TMEM178B: variants seen among roughly 807,000 people sequenced by gnomAD.
TMEM178B encodes transmembrane protein 178B.
Under a neutral mutation model 31.0 loss-of-function variants are expected in TMEM178B, and 5 were observed. The observed-to-expected ratio is 0.16, with a 90% CI of 0.08 to 0.34. The LOEUF (loss-of-function observed/expected upper bound fraction) is 0.34, where lower values mean the gene tolerates loss of function less well. Among genes scored for constraint, TMEM178B ranks in the 10% least tolerant of loss-of-function variants. The pLI, the probability that TMEM178B is intolerant of heterozygous loss-of-function variation, is 1.00. For synonymous variants in TMEM178B, 164 were observed against 164.0 expected (o/e 1.00, Z 0.00); for missense variants, 275 against 400.3 (o/e 0.69, Z 2.67).
At position 141,132,604 on chromosome 7, in the gene TMEM178B, C is replaced by T. The variant is rs548000924; in HGVS notation, c.382+57912C>T. ...GGGAACTGGTCTGCCCAGCCTGCCA[C>T]TGCCACTGCTGGTGCCCACATGTGC... On this transcript the variant is annotated intron_variant, in intron 1 of 3. Coordinates refer to ENST00000565468, the MANE Select transcript of TMEM178B (RefSeq NM_001195278.2). 1.1e-4 allele frequency among the ~76,000 whole-genome samples: 16 copies of T among 152,284 alleles called. 1 individual carries two copies. The Middle Eastern group carries it at 0.01, about 97-fold the overall frequency.
chr7:141,205,683 T>TG (rs1222261813), intron 1 of TMEM178B, among the ~76,000 whole-genome samples: 1 of 152,244 alleles, frequency 6.6e-6, no homozygotes, highest in African/African-American at 2.4e-5. Context: ...TAATTTTAGA[T>TG]GGGCTGAACT....
intron 2 of TMEM178B, among the ~76,000 whole-genome samples, chr7:141,360,912 A>G (rs944967121): frequency 2.6e-5 from 4 of 152,146 alleles, no homozygotes; most frequent in Non-Finnish European, 4.4e-5. Flanking sequence ...AAGAAAAAAA[A>G]AAGTGATTTG....
At chr7:141,142,858 T>G (rs908866032) in intron 1 of TMEM178B, among the ~76,000 whole-genome samples, 8 of 152,244 alleles carry the variant, frequency 5.3e-5, no homozygotes, top group Non-Finnish European at 4.4e-5. Flanking sequence ...AAGCATTGTC[T>G]TTTCTCTGCA....
At chr7:141,301,653 G>A (rs1468304378) in intron 2 of TMEM178B, among the ~76,000 whole-genome samples, 2 of 152,132 alleles carry the variant, frequency 1.3e-5, no homozygotes, top group Non-Finnish European at 2.9e-5. Flanking sequence ...TGTTTCGTAG[G>A]TGTGTGTGAA....
rs560712978 is a variant in TMEM178B at position 141,149,543 on chromosome 7, A to G, written c.383-63048A>G. 1.3e-4 allele frequency among the ~76,000 whole-genome samples: 19 copies of G among 150,594 alleles called. No homozygotes were observed. In the East Asian group the frequency reaches 1.4e-3, roughly 11 times the overall value. ...AGCCTGGGTAACAACAACAACAGCA[A>G]CAACAACAACAACAACAACAGGTCC... is the stretch of plus-strand genomic sequence containing the variant. On this transcript the variant is annotated intron_variant, in intron 1 of 3. Coordinates refer to ENST00000565468, the MANE Select transcript of TMEM178B (RefSeq NM_001195278.2).
At chr7:141,321,041 C>A (rs954003643) in intron 2 of TMEM178B, among the ~76,000 whole-genome samples, 2 of 152,168 alleles carry the variant, frequency 1.3e-5, no homozygotes, top group Admixed American at 6.5e-5. Flanking sequence ...CCATTCACGG[C>A]CACTGGTGGG....
At chr7:141,415,728 C>T (rs1801084474) in intron 2 of TMEM178B, among the ~76,000 whole-genome samples, 2 of 152,160 alleles carry the variant, frequency 1.3e-5, no homozygotes, top group Admixed American at 1.3e-4. Flanking sequence ...ATGCCATTGT[C>T]ATCAATAGGG....
chr7:141,114,914 A>AG (rs143845974), intron 1 of TMEM178B, among the ~76,000 whole-genome samples: 148 of 152,326 alleles, frequency 9.7e-4, no homozygotes, highest in African/African-American at 3.4e-3. Flanking sequence ...GTATGGGTAA[A>AG]GGCCAAAGTG....
chr7:141,334,116 C>T (rs576998654), intron 2 of TMEM178B, among the ~76,000 whole-genome samples: 3 of 152,170 alleles, frequency 2.0e-5, no homozygotes, highest in African/African-American at 4.8e-5. Context: ...GGTATTTGTT[C>T]GTCTTCACTC....
At chr7:141,481,503 T>G (rs1208816723), downstream of TMEM178B, among the ~76,000 whole-genome samples, 1 of 152,136 alleles carries the variant, frequency 6.6e-6, no homozygotes, top group African/African-American at 2.4e-5. Context: ...TGACAGTGAT[T>G]AGTGTCGTGG....
intron 2 of TMEM178B, among the ~76,000 whole-genome samples, chr7:141,254,499 C>T (rs867456853): frequency 6.6e-6 from 1 of 152,160 alleles, no homozygotes; most frequent in East Asian, 1.9e-4. Flanking sequence ...GGGTGGATCA[C>T]CTGAGGTCAG....
At chr7:141,266,764 C>A (rs769575066) in intron 2 of TMEM178B, among the ~76,000 whole-genome samples, 23 of 152,184 alleles carry the variant, frequency 1.5e-4, no homozygotes, top group Non-Finnish European at 2.5e-4. Flanking sequence ...GGACATTTTT[C>A]AGAAATACCG....
intron 2 of TMEM178B, among the ~76,000 whole-genome samples, chr7:141,367,672 A>G (rs977434150): frequency 6.6e-6 from 1 of 152,198 alleles, no homozygotes; most frequent in Non-Finnish European, 1.5e-5. Flanking sequence ...TTATTGGTCA[A>G]TACACAAATA....
the TMEM178B span, among the ~76,000 whole-genome samples, chr7:141,486,863 C>G: frequency 6.6e-6 from 1 of 151,944 alleles, no homozygotes; most frequent in South Asian, 2.1e-4. Context: ...AATACGTTAT[C>G]TGGAAAAAAA....
the TMEM178B span, among the ~76,000 whole-genome samples, chr7:141,504,924 C>T: frequency 7.8e-4 from 119 of 152,352 alleles, no homozygotes; most frequent in African/African-American, 2.7e-3. Flanking sequence ...TCGCTGTGGA[C>T]AGGGCCTAGG....
chr7:141,446,606 C>A (rs537972661), intron 3 of TMEM178B, among the ~76,000 whole-genome samples: 2 of 152,260 alleles, frequency 1.3e-5, no homozygotes, highest in East Asian at 3.9e-4. Context: ...AGTGGAATCA[C>A]CCAATTGAAG....
chr7:141,105,322 A>G (rs899132925), intron 1 of TMEM178B, among the ~76,000 whole-genome samples: 2 of 152,182 alleles, frequency 1.3e-5, no homozygotes, highest in African/African-American at 4.8e-5. Context: ...AGCCTGGCCA[A>G]CGTGGTGAAA....
intron 2 of TMEM178B, among the ~76,000 whole-genome samples, chr7:141,269,096 CTTTTTTTTT>C (rs34014878): frequency 2.1e-5 from 3 of 140,364 alleles, no homozygotes; most frequent in African/African-American, 7.9e-5. Context: ...AATTTTTTTT[CTTTTTTTTT>C]TTTTTGAGAC....
At chr7:141,465,061 A>T (rs1802126822) in intron 3 of TMEM178B, among the ~76,000 whole-genome samples, 2 of 152,218 alleles carry the variant, frequency 1.3e-5, no homozygotes, top group African/African-American at 4.8e-5. Context: ...TAGTTCTTGG[A>T]TCCTCACTTA....
Sources: gnomAD v4.1 joint callset for allele counts (sites outside exome capture counted in the v4.1 genomes callset) on GRCh38, gnomAD v4.1.1 for gene constraint, MANE v1.5 for transcripts, NCBI Gene and HGNC (gene_info 2026-07-23, HGNC 2026-07-21) for gene names.